MMS22L: variants seen among roughly 807,000 people sequenced by gnomAD.
MMS22L encodes the protein MMS22 like, DNA repair protein.
MMS22L carries 74 observed loss-of-function variants against 159.1 expected under a neutral mutation model. The observed-to-expected ratio is 0.47, with a 90% CI of 0.39 to 0.56. The LOEUF (loss-of-function observed/expected upper bound fraction) is 0.56, where lower values mean the gene tolerates loss of function less well. MMS22L is among the 20% of genes least tolerant of loss of function. The pLI is 0.00. For synonymous variants in MMS22L, 517 were observed against 506.9 expected, an observed-to-expected ratio of 1.02 and a Z score of -0.27; for missense variants, 1,351 against 1,422.1, an observed-to-expected ratio of 0.95 and a Z score of 0.80.
In MMS22L at chr6:97,143,925, C is replaced by T. The variant is rs1190603530; in HGVS notation, c.*2881G>A. 2 of 151,002 alleles carry T rather than the reference C, an allele frequency of 1.3e-5. No individual in the cohort carries two copies. The highest frequency in any genetic ancestry group is 4.2e-4 in the South Asian group (2 of 4,780). 9.4% of individuals were successfully genotyped at this position (151,002 alleles called of 1,614,324 possible). ...TGAAACCCCGTCTCTACTAAAAATA[C>T]AAAAAAAATTAGCCGGGCGTGGTGG... On this transcript the variant is annotated 3_prime_UTR_variant, in exon 25 of 25. Transcript: ENST00000683635.
chr6:97,174,798 A>G (rs1803962789), intron 18 of MMS22L, among the ~76,000 whole-genome samples: 1 of 152,202 alleles, frequency 6.6e-6, no homozygotes, highest in African/African-American at 2.4e-5. Flanking sequence ...AAGCTTTGAA[A>G]TGAAAGCTTA....
intron 7 of MMS22L, among the ~76,000 whole-genome samples, chr6:97,268,454 C>T (rs1815380898): frequency 6.6e-6 from 1 of 152,136 alleles, no homozygotes; most frequent in East Asian, 1.9e-4. Context: ...TCCCAAAGTG[C>T]TGGGATTACA....
chr6:97,263,374 A>G lies in MMS22L; in HGVS notation c.903T>C (p.Ile301=), dbSNP rs1459128469. 2 of 1,594,186 alleles carry G rather than the reference A, an allele frequency of 1.3e-6. No homozygotes were observed. The highest frequency in any genetic ancestry group is 1.7e-6 in the Non-Finnish European group (2 of 1,173,728). The change falls in exon 9 of 25, where the codon ATT becomes ATC. Residue 301 remains isoleucine (I), a synonymous_variant. Transcript: ENST00000683635. The stretch of plus-strand genomic sequence containing the variant: ...ATTTACTTCTGTGGTCTAGAAGATG[A>G]ATAAGTAGAACCCATAATTCTTTAA... ...LCIKELWVLL[I]HLLDHRSKWF...
chr6:97,263,476 T>A, intron 8 of MMS22L, 28 bp from the exon 9 acceptor site: 4 of 1,223,328 alleles, frequency 3.3e-6, no homozygotes, highest in Non-Finnish European at 4.5e-6. Context: ...AATGTGTTAT[T>A]TATAAGACAG....
chr6:97,231,104 C>A, intron 13 of MMS22L: 1 of 209,916 alleles, frequency 4.8e-6, no homozygotes, highest in Non-Finnish European at 9.7e-6. Flanking sequence ...CAGCATAGTT[C>A]CCAAATGAGA....
At chr6:97,162,207 C>T (rs1802519042) in intron 21 of MMS22L, 42 bp from the exon 22 acceptor site, 1 of 1,542,860 alleles carries the variant, frequency 6.5e-7, no homozygotes, top group Non-Finnish European at 8.7e-7. Context: ...CTTAAAGCTT[C>T]AATAGAGCAA....
In MMS22L at chr6:97,254,558, A is replaced by G. The variant is rs745973923; in HGVS notation, c.1118T>C (p.Met373Thr). The G allele has an allele frequency of 2.5e-6, 4 of 1,612,298 alleles. No homozygotes were observed. The highest frequency in any genetic ancestry group is 2.2e-5 in the East Asian group (1 of 44,780). Residue 373 changes from methionine (M) to threonine (T), a missense_variant and splice_region_variant, in exon 10 of 25, where the codon ATG (methionine) becomes ACG (threonine). Met to Thr is a moderately conservative substitution (Grantham distance 81). Coordinates refer to ENST00000683635, the MANE Select transcript of MMS22L (RefSeq NM_001350599.2). ...AGTTTTTAAAAAATGAAGTCTTACCATTTCATCTGGTACTCCATGGCGATC... is the reference window on the plus strand; with the variant it reads ...AGTTTTTAAAAAATGAAGTCTTACCGTTTCATCTGGTACTCCATGGCGATC... ...KFDRHGVPDE[M>T]RKVESNWNFV...
chr6:97,184,446 A>T (rs1232665012), intron 15 of MMS22L, among the ~76,000 whole-genome samples: 1 of 152,100 alleles, frequency 6.6e-6, no homozygotes, highest in East Asian at 1.9e-4. Flanking sequence ...CTCTAGGATC[A>T]TTATCTAAGT....
intron 14 of MMS22L, among the ~76,000 whole-genome samples, chr6:97,189,482 G>A (rs1805623283): frequency 7.0e-6 from 1 of 142,366 alleles, no homozygotes; most frequent in Admixed American, 7.5e-5. Context: ...GATTGCTTGA[G>A]GCAGAGGTTG....
At chr6:97,188,349 TACTA>T (rs1447492195) in intron 14 of MMS22L, among the ~76,000 whole-genome samples, 2 of 152,212 alleles carry the variant, frequency 1.3e-5, no homozygotes, top group East Asian at 1.9e-4. Context: ...CCATTTTATT[TACTA>T]ACTAAAACCT....
intron 6 of MMS22L, chr6:97,270,252 T>C (rs760503336): frequency 2.6e-5 from 15 of 580,832 alleles, no homozygotes; most frequent in South Asian, 1.2e-4. Flanking sequence ...ATAGTAAAGG[T>C]ACCTTCCAAC....
Position 97,278,761 on chromosome 6 carries a change from A to G in MMS22L, c.340+88T>C, listed in dbSNP as rs539073405. ...CTAATGCTTCCTCTGTATTATCATG[A>G]TATGCCAATTATACCATCATGGACC... On this transcript the variant is annotated intron_variant, in intron 4 of 24. Transcript: ENST00000683635. 7.5e-5 allele frequency: 77 copies of G among 1,030,696 alleles called. No homozygotes were observed. The African/African-American group carries it at 1.1e-3, about 14-fold the overall frequency. The allele number at this position is 1,030,696 out of a possible 1,614,324, so 63.8% of individuals were successfully genotyped here.
At chr6:97,263,604 A>C (rs34512658) in intron 8 of MMS22L, 156 bp from the exon 9 acceptor site, 15,635 of 424,240 alleles carry the variant, frequency 0.037, 333 homozygotes, top group African/African-American at 0.055. Context: ...ATTTCATTTA[A>C]CTTTTAAGAC....
At position 97,229,011 on chromosome 6, in the gene MMS22L, A is replaced by G. The variant is rs370933270; in HGVS notation, c.1922T>C (p.Leu641Ser). The G allele has an allele frequency of 6.2e-7, 1 of 1,614,136 alleles. No individual in the cohort carries two copies. The highest frequency in any genetic ancestry group is 1.3e-5 in the African/African-American group (1 of 75,046). ...VQEVFETSYC[L>S]YPSHEKLLND... ...AAGCAGTTTTTCATGGGAAGGATAC[A>G]AGCAATAGCTGGTCTCAAACACTTC... Residue 641 changes from leucine (L) to serine (S), a missense_variant, in exon 14 of 25, where the codon TTG becomes TCG. Transcript: ENST00000683635.
chr6:97,160,447 C>G (rs774902246), intron 22 of MMS22L, among the ~76,000 whole-genome samples: 11 of 151,960 alleles, frequency 7.2e-5, no homozygotes, highest in Non-Finnish European at 1.5e-4. Flanking sequence ...TGTCTCTGGC[C>G]CCCAGTTTCC....
chr6:97,168,583 A>G (rs1295738441), intron 19 of MMS22L, among the ~76,000 whole-genome samples: 1 of 152,100 alleles, frequency 6.6e-6, no homozygotes, highest in Non-Finnish European at 1.5e-5. Flanking sequence ...AGAAATGCTC[A>G]TTAGACCATT....
intron 11 of MMS22L, among the ~76,000 whole-genome samples, chr6:97,236,596 T>A (rs1358697322): frequency 1.3e-5 from 2 of 152,168 alleles, no homozygotes; most frequent in African/African-American, 4.8e-5. Flanking sequence ...AATGCCCAAA[T>A]GTAATATGCC....
intron 17 of MMS22L, 41 bp downstream of exon 17, chr6:97,179,367 T>A (rs770802062): frequency 6.4e-7 from 1 of 1,566,398 alleles, no homozygotes; most frequent in Non-Finnish European, 8.7e-7. Context: ...TAGCTTTCCA[T>A]AGATACCCCC....
At chr6:97,169,143 A>T (rs1803268639) in intron 19 of MMS22L, among the ~76,000 whole-genome samples, 1 of 152,116 alleles carries the variant, frequency 6.6e-6, no homozygotes, top group Non-Finnish European at 1.5e-5. Flanking sequence ...TATTTAATAT[A>T]AACAAACAAA....
Sources: allele counts gnomAD v4.1 joint callset (sites outside exome capture counted in the v4.1 genomes callset), GRCh38; gene constraint gnomAD v4.1.1; transcripts MANE v1.5; gene names NCBI Gene and HGNC (gene_info 2026-07-23, HGNC 2026-07-21).